B3GALT5: variants seen among roughly 807,000 people sequenced by gnomAD.
The protein encoded by B3GALT5 is UDP-Gal:betaGlcNAc beta 1,3-galactosyltransferase, polypeptide 5.
For synonymous variants in B3GALT5, 156 were observed against 158.6 expected (o/e 0.98, Z 0.12); for missense variants, 328 against 396.6 (o/e 0.83, Z 1.47).
intron 1 of B3GALT5, among the ~76,000 whole-genome samples, chr21:39,618,092 A>C (rs1324233154): frequency 1.3e-5 from 2 of 152,098 alleles, no homozygotes; most frequent in African/African-American, 4.8e-5. Flanking sequence ...GAGTTTGGGG[A>C]TGCAGTGAGC....
intron 1 of B3GALT5, among the ~76,000 whole-genome samples, chr21:39,625,946 A>C (rs1178535850): frequency 6.6e-6 from 1 of 152,256 alleles, no homozygotes; most frequent in Non-Finnish European, 1.5e-5. Context: ...TAAAATAGAC[A>C]TAATGTAAAT....
intron 1 of B3GALT5, among the ~76,000 whole-genome samples, chr21:39,617,958 C>T (rs1057066664): frequency 7.3e-5 from 11 of 151,508 alleles, no homozygotes; most frequent in African/African-American, 1.7e-4. Flanking sequence ...GGCAACATAG[C>T]GAATCCTCAT....
At chr21:39,657,856 T>A in intron 2 of B3GALT5, 1 of 1,231,714 alleles carries the variant, frequency 8.1e-7, no homozygotes. Flanking sequence ...GACTGGCTGG[T>A]CAGGCCATAC....
At chr21:39,652,998 C>T (rs56207908) in intron 2 of B3GALT5, among the ~76,000 whole-genome samples, 4,319 of 152,244 alleles carry the variant, frequency 0.028, 120 homozygotes, top group Admixed American at 0.062. Flanking sequence ...TGCAAATCTT[C>T]GCTACATGGC....
intron 2 of B3GALT5, among the ~76,000 whole-genome samples, chr21:39,651,060 G>A (rs1368150250): frequency 2.6e-5 from 4 of 152,084 alleles, no homozygotes; most frequent in African/African-American, 9.7e-5. Flanking sequence ...TGGTTTTGAA[G>A]TGTGACGGTC....
chr21:39,635,313 G>A (rs778397236), intron 1 of B3GALT5, among the ~76,000 whole-genome samples: 1 of 152,144 alleles, frequency 6.6e-6, no homozygotes, highest in Non-Finnish European at 1.5e-5. Flanking sequence ...GCCATGGAGA[G>A]TGAAGGTGTG....
rs1007708321 is a variant in B3GALT5 at position 39,664,225 on chromosome 21, G to A, written c.*2733G>A. On this transcript the variant is annotated 3_prime_UTR_variant, in exon 4 of 4. Transcript: ENST00000684187. The stretch of plus-strand genomic sequence containing the variant: ...GCCTCCCCAGCCACCTGCTGACGGA[G>A]CTGTGGGAGCACATTGCATTGGCTG... 9.2e-5 allele frequency: 14 copies of A among 152,294 alleles called. No homozygotes were observed. The highest frequency in any genetic ancestry group is 2.9e-4 in the African/African-American group (12 of 41,434). The allele number at this position is 152,294 out of a possible 1,614,324, so 9.4% of individuals were successfully genotyped here. A position where few individuals can be genotyped will look rare whatever the true frequency, so the allele number is the denominator to read the frequency against.
rs1383510311 is a variant in B3GALT5 at position 39,660,681 on chromosome 21, A to C, written c.122A>C (p.Asp41Ala). 2 of 1,557,286 alleles carry C rather than the reference A, an allele frequency of 1.3e-6. No individual in the cohort carries two copies. The highest frequency in any genetic ancestry group is 1.7e-6 in the Non-Finnish European group (2 of 1,153,746). ...GAACAGTCCTTTGTTTACAAGAAAG[A>C]CGGGAACTTCCTTAAGCTCCCAGAT... ...FKEQSFVYKK[D>A]GNFLKLPDTD... Residue 41 changes from aspartate to alanine, a missense_variant, in exon 4 of 4, where the codon GAC becomes GCC. Physicochemically the swap from Asp to Ala is moderately radical, Grantham distance 126. Coordinates refer to ENST00000684187, the MANE Select transcript of B3GALT5 (RefSeq NM_001356336.2).
chr21:39,660,434 T>G (rs2079500189), intron 3 of B3GALT5, 126 bp from the exon 4 acceptor site: 1 of 733,214 alleles, frequency 1.4e-6, no homozygotes, highest in Non-Finnish European at 2.0e-6. Flanking sequence ...GCACCCGACT[T>G]CTGTATGCAG....
At chr21:39,626,260 T>A (rs573471703) in intron 1 of B3GALT5, among the ~76,000 whole-genome samples, 2 of 152,370 alleles carry the variant, frequency 1.3e-5, no homozygotes, top group East Asian at 3.9e-4. Context: ...CAGAATTTCC[T>A]TGCTTTTTAG....
intron 1 of B3GALT5, among the ~76,000 whole-genome samples, chr21:39,617,305 A>C (rs2079111875): frequency 6.6e-6 from 1 of 152,182 alleles, no homozygotes; most frequent in African/African-American, 2.4e-5. Flanking sequence ...AGCTTGTATT[A>C]CTCCATTTTC....
chr21:39,622,309 A>G (rs924222919), intron 1 of B3GALT5, among the ~76,000 whole-genome samples: 2 of 152,084 alleles, frequency 1.3e-5, no homozygotes, highest in African/African-American at 4.8e-5. Flanking sequence ...TCAAATCATT[A>G]TTACTAATTT....
intron 2 of B3GALT5, among the ~76,000 whole-genome samples, chr21:39,654,563 C>T (rs2079423716): frequency 6.6e-6 from 1 of 152,206 alleles, no homozygotes; most frequent in South Asian, 2.1e-4. Flanking sequence ...AGGATCGATT[C>T]CAATTTCAAA....
rs1207707294 is a variant in B3GALT5, at chr21:39,641,891, A to G, written c.-391-4501A>G. 2.0e-5 allele frequency among the ~76,000 whole-genome samples: 3 copies of G among 152,218 alleles called. No homozygotes were observed. The East Asian group carries it at 5.8e-4, about 29-fold the overall frequency. On this transcript the variant is annotated intron_variant, in intron 1 of 3. Transcript: ENST00000684187. ...AACTGTCCAGGAGTTTTTTTGATTC[A>G]TGTTCTAAACGCTATGCTTTGATAG...
intron 1 of B3GALT5, among the ~76,000 whole-genome samples, chr21:39,626,767 T>C (rs1326188495): frequency 6.6e-6 from 1 of 152,110 alleles, no homozygotes; most frequent in African/African-American, 2.4e-5. Context: ...TCAAGTCCTT[T>C]GCCCCTTTTT....
At chr21:39,627,370 G>T (rs2079169727) in intron 1 of B3GALT5, among the ~76,000 whole-genome samples, 1 of 152,198 alleles carries the variant, frequency 6.6e-6, no homozygotes, top group African/African-American at 2.4e-5. Context: ...AAGTCACCCT[G>T]TGGGGTTTCT....
intron 2 of B3GALT5, among the ~76,000 whole-genome samples, chr21:39,655,283 G>A (rs951333406): frequency 3.9e-5 from 6 of 152,238 alleles, no homozygotes; most frequent in South Asian, 2.1e-4. Flanking sequence ...TTTTACTCAC[G>A]AGAGGGTCAG....
rs1746300820 is a variant in B3GALT5, at chr21:39,660,858, C to G, written c.299C>G (p.Thr100Ser). 1 of 1,611,906 alleles carries G rather than the reference C, an allele frequency of 6.2e-7. No homozygotes were observed. The highest frequency in any genetic ancestry group is 1.7e-5 in the Admixed American group (1 of 59,690). The change falls in exon 4 of 4, where the codon ACC (threonine) becomes AGC (serine). Residue 100 changes from threonine (T) to serine (S), a missense_variant. By Grantham distance (58) the Thr-to-Ser change is moderately conservative. Coordinates refer to ENST00000684187, the MANE Select transcript of B3GALT5 (RefSeq NM_001356336.2). ...AAGACATTCTTCCTCCTGGGGACCA[C>G]CAGCAGTGCAGCGGAAACGAAAGAG... is the stretch of plus-strand genomic sequence containing the variant. ...QLKTFFLLGT[T>S]SSAAETKEVD...
intron 1 of B3GALT5, among the ~76,000 whole-genome samples, chr21:39,614,779 A>T (rs2079098960): frequency 6.6e-6 from 1 of 152,174 alleles, no homozygotes; most frequent in South Asian, 2.1e-4. Flanking sequence ...TGAGCCCAGT[A>T]CTGGCATCCC....
Sources: gnomAD v4.1 joint callset for allele counts (sites outside exome capture counted in the v4.1 genomes callset) on GRCh38, gnomAD v4.1.1 for gene constraint, MANE v1.5 for transcripts, NCBI Gene and HGNC (gene_info 2026-07-23, HGNC 2026-07-21) for gene names.